TTLL2: variants seen among roughly 807,000 people sequenced by gnomAD.
TTLL2 encodes the protein tubulin tyrosine ligase like 2, also known as probable tubulin polyglutamylase TTLL2.
A neutral mutation model predicts 7.5 loss-of-function variants in TTLL2; 10 were observed. The observed-to-expected ratio is 1.33, with a 90% CI of 0.82 to 2.25. The LOEUF is 2.25. TTLL2 is among the 30% of genes most tolerant of loss of function. The pLI is 0.00. For missense variants in TTLL2, 733 were observed against 735.7 expected (o/e 1.00, Z 0.04); for synonymous variants, 284 against 280.3 (o/e 1.01, Z -0.13).
At position 167,325,184 on chromosome 6, in the gene TTLL2, G is replaced by A. The variant is rs376612341; in HGVS notation, c.11G>A (p.Arg4Gln). The A allele has an allele frequency of 3.2e-5, 50 of 1,579,402 alleles. No individual in the cohort carries two copies. The highest frequency in any genetic ancestry group is 2.8e-4 in the East Asian group (12 of 42,450). The change falls in exon 1 of 3, where the codon CGG becomes CAG. Residue 4 changes from arginine to glutamine, a missense_variant. Arg to Gln is a conservative substitution (Grantham distance 43, BLOSUM62 1). Transcript: ENST00000239587. The stretch of plus-strand genomic sequence containing the variant: ...CGGAACCAGCGCCCAATGAGAGGGC[G>A]GGACCTGTGTTCCTCCACACAAAGC... Reference protein sequence around the residue: MRGRDLCSSTQSQA... With the variant: MRGQDLCSSTQSQA...
At chr6:167,332,348 G>C (rs1480389353) in intron 1 of TTLL2, among the ~76,000 whole-genome samples, 1 of 152,136 alleles carries the variant, frequency 6.6e-6, no homozygotes, top group East Asian at 1.9e-4. Flanking sequence ...GTTACAGTTT[G>C]TTTACCCTCC....
At position 167,329,794 on chromosome 6, in the gene TTLL2, C is replaced by T. The variant is rs140519565; in HGVS notation, c.47+4574C>T. Among the ~76,000 whole-genome samples the T allele has an allele frequency of 1.1e-4, 17 of 152,286 alleles. No individual in the cohort carries two copies. The East Asian group carries it at 2.1e-3, about 19-fold the overall frequency. On this transcript the variant is annotated intron_variant, in intron 1 of 2. Coordinates refer to ENST00000239587, the MANE Select transcript of TTLL2 (RefSeq NM_031949.5). ...GGTTTTATGTGTTATTTGTATCTTT[C>T]GTGAATTTTATTATGCTAGCAGTCG...
intron 1 of TTLL2, among the ~76,000 whole-genome samples, chr6:167,327,130 G>A (rs555543684): frequency 5.3e-5 from 8 of 152,232 alleles, no homozygotes; most frequent in African/African-American, 9.7e-5. Context: ...CATTTTATAA[G>A]TGGGGCGGGT....
intron 1 of TTLL2, among the ~76,000 whole-genome samples, chr6:167,326,756 C>G (rs1189772281): frequency 6.6e-6 from 1 of 152,150 alleles, no homozygotes; most frequent in African/African-American, 2.4e-5. Flanking sequence ...AGCTCATCAG[C>G]TGTCGTTAGT....
rs550201223 is a variant in TTLL2 at position 167,338,696 on chromosome 6, G to T, written c.97G>T (p.Ala33Ser). 340 of 1,614,060 alleles carry T rather than the reference G, an allele frequency of 2.1e-4. 4 individuals are homozygous for T. The South Asian group carries it at 3.7e-3, about 17-fold the overall frequency. Residue 33 changes from alanine (A) to serine (S), a missense_variant, in exon 2 of 3, where the codon GCA becomes TCA. Coordinates refer to ENST00000239587, the MANE Select transcript of TTLL2 (RefSeq NM_031949.5). Reference protein sequence around the residue: ...PAFTLNIPSEANHTEQPPAGL... With the variant: ...PAFTLNIPSESNHTEQPPAGL... ...CTTTACCCTTAACATTCCATCCGAG[G>T]CAAACCACACTGAGCAGCCGCCTGC...
At chr6:167,331,401 A>G (rs1377824510) in intron 1 of TTLL2, among the ~76,000 whole-genome samples, 1 of 152,070 alleles carries the variant, frequency 6.6e-6, no homozygotes, top group African/African-American at 2.4e-5. Context: ...ATGTCTCCCT[A>G]TGTCCCCTCC....
intron 1 of TTLL2, chr6:167,328,053 C>T (rs1237811543): frequency 3.5e-5 from 16 of 456,118 alleles, no homozygotes; most frequent in Non-Finnish European, 5.3e-5. Context: ...TTTAACCCTT[C>T]AGCTGGATCC....
Position 167,341,811 on chromosome 6 carries a change from G to A in TTLL2, c.*132G>A, listed in dbSNP as rs1475372797. On this transcript the variant is annotated 3_prime_UTR_variant, in exon 3 of 3. Coordinates refer to ENST00000239587, the MANE Select transcript of TTLL2 (RefSeq NM_031949.5). Reference sequence around the variant, plus strand: ...TAACTATGACATTGGGACTGAAGATGTGGCCATATGTATAAATATAACAGC... The same window carrying A: ...TAACTATGACATTGGGACTGAAGATATGGCCATATGTATAAATATAACAGC... 1.0e-6 allele frequency: 1 copy of A among 959,448 alleles called. No individual in the cohort carries two copies. The highest frequency in any genetic ancestry group is 1.5e-6 in the Non-Finnish European group (1 of 667,568). 59.4% of individuals were successfully genotyped at this position (959,448 alleles called of 1,614,324 possible).
rs925849361 is a variant in TTLL2, at chr6:167,340,777, A to G, written c.877A>G (p.Asn293Asp). Residue 293 changes from asparagine to aspartate, a missense_variant, in exon 3 of 3, where the codon AAT becomes GAT. By Grantham distance (23) the Asn-to-Asp change is conservative (BLOSUM62 1). Transcript: ENST00000239587. ...GTTTGACCTCAGTAATTTGCAAAAC[A>G]ATTATGCCCATTTGACCAACAGCAG... ...EKFDLSNLQN[N>D]YAHLTNSSIN... 8 of 1,614,078 alleles carry G rather than the reference A, an allele frequency of 5.0e-6. No individual in the cohort carries two copies. The Admixed American group carries it at 5.0e-5, about 10-fold the overall frequency.
chr6:167,338,847 C>CCTTCCTTT (rs1779030739), intron 2 of TTLL2, 44 bp downstream of exon 2: 1 of 1,440,032 alleles, frequency 6.9e-7, no homozygotes, highest in Admixed American at 2.4e-5. Flanking sequence ...TTCCTTCCTT[C>CCTTCCTTT]CTTCCTTCCT....
intron 1 of TTLL2, 125 bp downstream of exon 1, chr6:167,325,345 C>A: frequency 2.2e-6 from 2 of 897,752 alleles, no homozygotes; most frequent in Non-Finnish European, 3.3e-6. Context: ...GCACTGGGAC[C>A]CCCGAGGGGC....
In TTLL2 at chr6:167,338,707, T is replaced by C; in HGVS notation, c.108T>C (p.Thr36=). 4 of 1,614,094 alleles carry C rather than the reference T, an allele frequency of 2.5e-6. No homozygotes were observed. The highest frequency in any genetic ancestry group is 3.4e-6 in the Non-Finnish European group (4 of 1,179,970). ...ACATTCCATCCGAGGCAAACCACAC[T>C]GAGCAGCCGCCTGCAGGCCTGGGAG... ...TLNIPSEANH[T]EQPPAGLGAR... Residue 36 remains threonine (T), a synonymous_variant, in exon 2 of 3, where the codon ACT becomes ACC. Coordinates refer to ENST00000239587, the MANE Select transcript of TTLL2 (RefSeq NM_031949.5).
chr6:167,326,756 C>A (rs1189772281), intron 1 of TTLL2, among the ~76,000 whole-genome samples: 1 of 152,150 alleles, frequency 6.6e-6, no homozygotes, highest in Non-Finnish European at 1.5e-5. Flanking sequence ...AGCTCATCAG[C>A]TGTCGTTAGT....
rs759484131 is a variant in TTLL2, at chr6:167,340,739, T to C, written c.839T>C (p.Phe280Ser). The change falls in exon 3 of 3, where the codon TTT (phenylalanine) becomes TCT (serine). Residue 280 changes from phenylalanine (F) to serine (S), a missense_variant. Coordinates refer to ENST00000239587, the MANE Select transcript of TTLL2 (RefSeq NM_031949.5). Reference sequence around the variant, plus strand: ...GTTTATCAGGAAGGGTTGGTTCGGTTTGCCACGGAAAAGTTTGACCTCAGT... The same window carrying C: ...GTTTATCAGGAAGGGTTGGTTCGGTCTGCCACGGAAAAGTTTGACCTCAGT... ...IYVYQEGLVR[F>S]ATEKFDLSNL... is the part of the protein sequence containing the mutation. 1.2e-6 allele frequency: 2 copies of C among 1,614,088 alleles called. No homozygotes were observed. The highest frequency in any genetic ancestry group is 2.7e-5 in the African/African-American group (2 of 74,920).
chr6:167,340,744 A>G lies in TTLL2; in HGVS notation c.844A>G (p.Thr282Ala). 2 of 1,614,196 alleles carry G rather than the reference A, an allele frequency of 1.2e-6. No homozygotes were observed. Among genetic ancestry groups the G allele is most frequent in the African/African-American group, 1.3e-5 (1 of 75,024 alleles). Reference sequence around the variant, plus strand: ...TCAGGAAGGGTTGGTTCGGTTTGCCACGGAAAAGTTTGACCTCAGTAATTT... The same window carrying G: ...TCAGGAAGGGTTGGTTCGGTTTGCCGCGGAAAAGTTTGACCTCAGTAATTT... ...VYQEGLVRFATEKFDLSNLQN... is the reference protein window; with the variant it reads ...VYQEGLVRFAAEKFDLSNLQN... Residue 282 changes from threonine (T) to alanine (A), a missense_variant, in exon 3 of 3, where the codon ACG becomes GCG. Thr to Ala is a moderately conservative substitution (Grantham distance 58). Coordinates refer to ENST00000239587, the MANE Select transcript of TTLL2 (RefSeq NM_031949.5).
intron 1 of TTLL2, among the ~76,000 whole-genome samples, chr6:167,336,339 A>G (rs1379044096): frequency 6.6e-6 from 1 of 151,992 alleles, no homozygotes; most frequent in Non-Finnish European, 1.5e-5. Flanking sequence ...ATAATAATAT[A>G]TGTTATGATA....
chr6:167,330,593 A>G (rs1778908320), intron 1 of TTLL2, among the ~76,000 whole-genome samples: 3 of 152,092 alleles, frequency 2.0e-5, no homozygotes, highest in East Asian at 1.9e-4. Context: ...AGAAAGAAAG[A>G]AAACAATATA....
intron 1 of TTLL2, among the ~76,000 whole-genome samples, chr6:167,330,035 G>A: frequency 6.6e-6 from 1 of 152,080 alleles, no homozygotes; most frequent in Non-Finnish European, 1.5e-5. Flanking sequence ...CACTCTCTTT[G>A]GTAAAATGTC....
chr6:167,328,640 G>C (rs949456208), intron 1 of TTLL2, among the ~76,000 whole-genome samples: 14 of 152,144 alleles, frequency 9.2e-5, no homozygotes, highest in African/African-American at 3.1e-4. Flanking sequence ...CTGAATGGTG[G>C]GTGGTATTTT....
Sources: gnomAD v4.1 joint callset for allele counts (sites outside exome capture counted in the v4.1 genomes callset) on GRCh38, gnomAD v4.1.1 for gene constraint, MANE v1.5 for transcripts, NCBI Gene and HGNC (gene_info 2026-07-23, HGNC 2026-07-21) for gene names.